The following ADAM28 variants were observed in gnomAD, a reference collection of about 807,000 sequenced individuals.
ADAM28 encodes ADAM metallopeptidase domain 28.
ADAM28 carries 105 observed loss-of-function variants against 101.2 expected under a neutral mutation model. That is an observed-to-expected ratio of 1.04 (90% CI 0.89 to 1.22). The LOEUF is 1.22. Among genes scored for constraint, ADAM28 ranks in the 50% most tolerant of loss-of-function variants. ADAM28 has a pLI of 0.00. For missense variants in ADAM28, 1,028 were observed against 945.4 expected (o/e 1.09, Z -1.15); for synonymous variants, 322 against 310.6 (o/e 1.04, Z -0.39).
intron 3 of ADAM28, 72 bp downstream of exon 3, chr8:24,310,042 T>C (rs1461925739): frequency 5.5e-5 from 81 of 1,473,626 alleles, no homozygotes; most frequent in Non-Finnish European, 7.4e-5. Flanking sequence ...CTGAGTCTGT[T>C]GCTGCTTATG....
At chr8:24,321,984 CTT>C (rs1463375028) in intron 8 of ADAM28, among the ~76,000 whole-genome samples, 1 of 151,878 alleles carries the variant, frequency 6.6e-6, no homozygotes, top group Non-Finnish European at 1.5e-5. Context: ...GAATGAGTCT[CTT>C]TGTGGTATCC....
Position 24,356,656 on chromosome 8 carries a change from TC to T in ADAM28, c.*2254del, listed in dbSNP as rs1203201744. The T allele has an allele frequency of 2.0e-5, 3 of 152,164 alleles. No homozygotes were observed. The highest frequency in any genetic ancestry group is 4.4e-5 in the Non-Finnish European group (3 of 68,022). The allele number at this position is 152,164 out of a possible 1,614,324, so 9.4% of individuals were successfully genotyped here. On this transcript the variant is annotated 3_prime_UTR_variant, in exon 23 of 23. Coordinates refer to ENST00000265769, the MANE Select transcript of ADAM28 (RefSeq NM_014265.6). ...AATACTGTTTCCACACTTACTTATA[TC>T]CGTAACTTTCTAACTTTAAGGGAAT...
At chr8:24,338,660 T>A (rs1814394233) in intron 14 of ADAM28, among the ~76,000 whole-genome samples, 1 of 152,212 alleles carries the variant, frequency 6.6e-6, no homozygotes, top group Non-Finnish European at 1.5e-5. Flanking sequence ...CAATGCCGTA[T>A]CTTCATAGGT....
rs777423480 is a variant in ADAM28, at chr8:24,343,550, C to T, written c.1956C>T (p.Ile652=). 1 of 1,613,766 alleles carries T rather than the reference C, an allele frequency of 6.2e-7. No homozygotes were observed. The highest frequency in any genetic ancestry group is 1.1e-5 in the South Asian group (1 of 91,074). The part of the protein sequence containing the change: ...ELQCQCEEGW[I]PPDCDDSSVV... ...AGTGTCAATGTGAGGAAGGATGGAT[C>T]CCTCCCGACTGCGATGACTCCTCAG... The change falls in exon 18 of 23, where the codon ATC becomes ATT. Residue 652 remains isoleucine (I), a synonymous_variant. Transcript: ENST00000265769.
chr8:24,315,544 G>A (rs942861691), intron 6 of ADAM28, among the ~76,000 whole-genome samples: 3 of 151,862 alleles, frequency 2.0e-5, no homozygotes, highest in African/African-American at 7.2e-5. Context: ...GAAAGCCTAG[G>A]ACTAGATGGC....
At chr8:24,302,925 C>G (rs1393471756) in intron 2 of ADAM28, among the ~76,000 whole-genome samples, 8 of 119,694 alleles carry the variant, frequency 6.7e-5, no homozygotes, top group Admixed American at 1.0e-4. Context: ...CCCCCTCCCC[C>G]CTCCCCACAA....
At chr8:24,310,407 A>G (rs1299239434) in intron 4 of ADAM28, 166 bp downstream of exon 4, 3 of 645,440 alleles carry the variant, frequency 4.6e-6, no homozygotes, top group Admixed American at 3.3e-5. Context: ...TGGAAAATCA[A>G]TTAACAAGAA....
chr8:24,339,394 CT>C, intron 14 of ADAM28, 71 bp from the exon 15 acceptor site: 1 of 1,194,952 alleles, frequency 8.4e-7, no homozygotes, highest in Non-Finnish European at 1.2e-6. Flanking sequence ...TCTTTAAAAT[CT>C]TTTATTTTCA....
chr8:24,332,782 G>A (rs1813523096), intron 13 of ADAM28, 33 bp downstream of exon 13: 1 of 1,211,500 alleles, frequency 8.3e-7, no homozygotes, highest in Non-Finnish European at 1.1e-6. Flanking sequence ...TAATAATTAT[G>A]ATTACATTTT....
At chr8:24,342,588 C>T (rs1371262534) in intron 16 of ADAM28, among the ~76,000 whole-genome samples, 1 of 152,120 alleles carries the variant, frequency 6.6e-6, no homozygotes, top group African/African-American at 2.4e-5. Context: ...GAAACATATG[C>T]TAGCATCAAG....
At position 24,339,516 on chromosome 8, in the gene ADAM28, A is replaced by T. The variant is rs765950081; in HGVS notation, c.1618A>T (p.Lys540Ter). The T allele has an allele frequency of 6.2e-7, 1 of 1,613,404 alleles. No homozygotes were observed. The highest frequency in any genetic ancestry group is 1.1e-5 in the South Asian group (1 of 90,952). The change falls in exon 15 of 23, where the codon AAG (lysine) becomes TAG (stop). Residue 540 changes from lysine (K) to a stop codon, truncating the protein, a stop_gained. Transcript: ENST00000265769. LOFTEE classifies it high-confidence loss of function. ...TTACAACAGGAATGAAGGTGGGTCAAAGTACGGGTACTGTCGCAGAGTGGA... is the reference window on the plus strand; with the variant it reads ...TTACAACAGGAATGAAGGTGGGTCATAGTACGGGTACTGTCGCAGAGTGGA... ...SCYNRNEGGSKYGYCRRVDDT... is the reference protein window; with the variant it reads ...SCYNRNEGGS
intron 9 of ADAM28, among the ~76,000 whole-genome samples, 154 bp downstream of exon 9, chr8:24,324,157 TA>T (rs935935454): frequency 2.0e-5 from 3 of 151,864 alleles, no homozygotes; most frequent in African/African-American, 7.2e-5. Flanking sequence ...TGGATCCAAG[TA>T]TTTTTTTTAA....
rs1813342999 is a variant in ADAM28 at position 24,331,386 on chromosome 8, AC to A, written c.1281+60del. On this transcript the variant is annotated intron_variant, in intron 12 of 22. Coordinates refer to ENST00000265769, the MANE Select transcript of ADAM28 (RefSeq NM_014265.6). ...GGTTTTTCAGTTGCTAAGAAGATCA[AC>A]TACAAAATAATGTGTGGCCCGCTAT... 4 of 1,493,620 alleles carry A rather than the reference AC, an allele frequency of 2.7e-6. No individual in the cohort carries two copies. In the East Asian group the frequency reaches 9.3e-5, roughly 35 times the overall value. The allele number at this position is 1,493,620 out of a possible 1,614,324, so 92.5% of individuals were successfully genotyped here.
chr8:24,350,129 C>T (rs1177389038), intron 19 of ADAM28, among the ~76,000 whole-genome samples, 157 bp downstream of exon 19: 2 of 152,016 alleles, frequency 1.3e-5, no homozygotes, highest in South Asian at 4.2e-4. Flanking sequence ...ACTGGGTTTC[C>T]CTTTAACTGA....
At chr8:24,323,770 G>A (rs1812185510) in intron 8 of ADAM28, 64 bp from the exon 9 acceptor site, 1 of 1,456,738 alleles carries the variant, frequency 6.9e-7, no homozygotes, top group Admixed American at 2.1e-5. Flanking sequence ...AAAATATATT[G>A]AAAATGTTTA....
chr8:24,334,503 G>T (rs920416152), intron 13 of ADAM28, among the ~76,000 whole-genome samples: 4 of 152,102 alleles, frequency 2.6e-5, no homozygotes, highest in African/African-American at 9.7e-5. Flanking sequence ...CTTGAAAAAA[G>T]ATTTTAGACA....
intron 6 of ADAM28, among the ~76,000 whole-genome samples, chr8:24,316,146 A>C (rs1282046362): frequency 6.6e-6 from 1 of 151,762 alleles, no homozygotes; most frequent in East Asian, 1.9e-4. Context: ...AATGCTACAA[A>C]TTATCTTGAT....
At chr8:24,351,594 TCACACA>T in intron 20 of ADAM28, 1 of 500,284 alleles carries the variant, frequency 2.0e-6, no homozygotes, top group Non-Finnish European at 3.6e-6. Flanking sequence ...TCTCCCTCTC[TCACACA>T]CACACACTCC....
In ADAM28 at chr8:24,326,606, T is replaced by C. The variant is rs1309316668; in HGVS notation, c.943T>C (p.Cys315Arg). 6.2e-7 allele frequency: 1 copy of C among 1,612,202 alleles called. No individual in the cohort carries two copies. Among genetic ancestry groups the C allele is most frequent in the South Asian group, 1.1e-5 (1 of 90,988 alleles). ...GGGTCTTGCATTTATGTCTACAATGTGTTCTCCTTATTCTGTTGGCGTTGT... is the reference window on the plus strand; with the variant it reads ...GGGTCTTGCATTTATGTCTACAATGCGTTCTCCTTATTCTGTTGGCGTTGT... ...TVGLAFMSTMCSPYSVGVVQD... is the reference protein window; with the variant it reads ...TVGLAFMSTMRSPYSVGVVQD... The change falls in exon 10 of 23, where the codon TGT becomes CGT. Residue 315 changes from cysteine to arginine, a missense_variant. Cys to Arg is a radical substitution (Grantham distance 180). Transcript: ENST00000265769.
Sources: allele counts gnomAD v4.1 joint callset (sites outside exome capture counted in the v4.1 genomes callset), GRCh38; gene constraint gnomAD v4.1.1; transcripts MANE v1.5; gene names NCBI Gene and HGNC (gene_info 2026-07-23, HGNC 2026-07-21).